TPRG1: variants seen among roughly 807,000 people sequenced by gnomAD.
TPRG1 encodes the protein tumor protein p63 regulated 1.
TPRG1 carries 29 observed loss-of-function variants against 29.3 expected under a neutral mutation model. The ratio of observed to expected loss-of-function variants is 0.99; its 90% CI spans 0.74 to 1.35. TPRG1 has a LOEUF of 1.35. Ranked by LOEUF, TPRG1 falls within the 40% of genes most tolerant of loss-of-function variation. TPRG1 has a pLI of 0.00. For synonymous variants in TPRG1, 130 were observed against 116.8 expected, an observed-to-expected ratio of 1.11 and a Z score of -0.73; for missense variants, 327 against 335.0, an observed-to-expected ratio of 0.98 and a Z score of 0.19.
chr3:189,124,278 A>G lies in TPRG1; in HGVS notation c.-743-2779A>G, dbSNP rs1334548585. Reference sequence around the variant, plus strand: ...GCAGGCAGAGAAATTCCTTGTGGCAATAAAACATAGTGGCTTAGAAAAGAA... The same window carrying G: ...GCAGGCAGAGAAATTCCTTGTGGCAGTAAAACATAGTGGCTTAGAAAAGAA... On this transcript the variant is annotated intron_variant, in intron 1 of 6. Coordinates refer to the TPRG1 transcript ENST00000412373. Among the ~76,000 whole-genome samples the G allele has an allele frequency of 4.6e-5, 7 of 152,096 alleles. No individual in the cohort carries two copies. In the East Asian group the frequency reaches 9.7e-4, roughly 21 times the overall value.
chr3:189,000,034 A>G (rs541588472), intron 1 of TPRG1, among the ~76,000 whole-genome samples: 4 of 152,280 alleles, frequency 2.6e-5, no homozygotes, highest in Non-Finnish European at 4.4e-5. Flanking sequence ...TTTGGATACT[A>G]TAATAAAAAA....
chr3:189,052,590 G>T (rs1307380336), intron 4 of TPRG1, among the ~76,000 whole-genome samples: 1 of 152,042 alleles, frequency 6.6e-6, no homozygotes, highest in Non-Finnish European at 1.5e-5. Context: ...CCCACTACTG[G>T]GTATCTACCA....
chr3:189,148,060 C>T (rs1725481002), intron 4 of TPRG1, among the ~76,000 whole-genome samples: 1 of 152,210 alleles, frequency 6.6e-6, no homozygotes, highest in Admixed American at 6.5e-5. Flanking sequence ...TTCTGATTCA[C>T]AGATGTGAAT....
chr3:189,054,233 AG>A (rs1156564800), intron 4 of TPRG1, among the ~76,000 whole-genome samples: 1 of 152,144 alleles, frequency 6.6e-6, no homozygotes, highest in Non-Finnish European at 1.5e-5. Context: ...AAGGAGACAG[AG>A]AAGGACGGGA....
chr3:189,007,062 A>T (rs960489831), intron 3 of TPRG1, among the ~76,000 whole-genome samples: 1 of 152,006 alleles, frequency 6.6e-6, no homozygotes, highest in Non-Finnish European at 1.5e-5. Context: ...TAATTAAACT[A>T]AAGAGCTTCT....
intron 5 of TPRG1, among the ~76,000 whole-genome samples, chr3:189,315,010 A>G (rs1723257008): frequency 6.6e-6 from 1 of 152,158 alleles, no homozygotes. Context: ...CAGTATTCCC[A>G]TTCCAGTTAC....
At chr3:189,003,896 C>A (rs1165262666) in intron 2 of TPRG1, among the ~76,000 whole-genome samples, 1 of 151,966 alleles carries the variant, frequency 6.6e-6, no homozygotes, top group Admixed American at 6.6e-5. Context: ...TCTTGCAATT[C>A]CTTCTCTTGG....
At chr3:189,057,536 TC>T (rs1377355849) in intron 4 of TPRG1, among the ~76,000 whole-genome samples, 1 of 151,320 alleles carries the variant, frequency 6.6e-6, no homozygotes, top group Non-Finnish European at 1.5e-5. Flanking sequence ...TGGGCTCTTT[TC>T]TACAACCCCA....
intron 4 of TPRG1, among the ~76,000 whole-genome samples, chr3:189,094,049 G>A (rs1718512538): frequency 6.6e-6 from 1 of 152,084 alleles, no homozygotes; most frequent in African/African-American, 2.4e-5. Flanking sequence ...GAAAGATACA[G>A]CCTCCAAACA....
intron 1 of TPRG1, among the ~76,000 whole-genome samples, chr3:189,106,225 T>C (rs1468318870): frequency 6.6e-6 from 1 of 152,194 alleles, no homozygotes; most frequent in African/African-American, 2.4e-5. Flanking sequence ...GTAACAGTCA[T>C]TCTGGCCTTC....
intron 4 of TPRG1, among the ~76,000 whole-genome samples, chr3:189,027,171 C>A (rs1319234476): frequency 6.6e-6 from 1 of 152,142 alleles, no homozygotes; most frequent in Non-Finnish European, 1.5e-5. Flanking sequence ...CCTTGACCAA[C>A]CTTAAAATAA....
At chr3:189,049,837 C>T (rs931909328) in intron 4 of TPRG1, among the ~76,000 whole-genome samples, 1 of 152,166 alleles carries the variant, frequency 6.6e-6, no homozygotes, top group African/African-American at 2.4e-5. Flanking sequence ...GTGCAGACAA[C>T]CCCCAGTACC....
chr3:189,236,458 G>C (rs992963259), intron 3 of TPRG1, among the ~76,000 whole-genome samples: 15 of 152,150 alleles, frequency 9.9e-5, no homozygotes, highest in Non-Finnish European at 2.1e-4. Context: ...TTCTGACTAA[G>C]ACTGAGAATG....
In TPRG1 at chr3:189,312,105, G is replaced by GTTTCTTTC. The variant is rs1209208448; in HGVS notation, c.633+1570_633+1577dup. Reference sequence around the variant, plus strand: ...TGTTTCTTTCTTTCTTTGTTTCTTTGTTTCTTTCTTTGTTTCTTTCTTTCT... The same window carrying GTTTCTTTC: ...TGTTTCTTTCTTTCTTTGTTTCTTTGTTTCTTTCTTTCTTTCTTTGTTTCTTTCTTTCT... On this transcript the variant is annotated intron_variant, in intron 5 of 5. Coordinates refer to ENST00000345063, the MANE Select transcript of TPRG1 (RefSeq NM_198485.4). Among the ~76,000 whole-genome samples the GTTTCTTTC allele has an allele frequency of 2.1e-3, 148 of 70,862 alleles. 2 individuals carry two copies. The highest frequency in any genetic ancestry group is 8.0e-3 in the East Asian group (31 of 3,874). The allele number at this position is 70,862 out of a possible 152,430, so 46.5% of individuals were successfully genotyped here. A position where few individuals can be genotyped will look rare whatever the true frequency, so the allele number is the denominator to read the frequency against.
chr3:189,174,161 C>T (rs567472587), intron 1 of TPRG1, among the ~76,000 whole-genome samples: 178 of 152,318 alleles, frequency 1.2e-3, no homozygotes, highest in Non-Finnish European at 1.9e-3. Context: ...ATGGCAGCGT[C>T]AAGTCCGAGA....
At position 189,093,758 on chromosome 3, in the gene TPRG1, C is replaced by A. The variant is rs1008209300; in HGVS notation, c.-462-33299C>A. Among the ~76,000 whole-genome samples the A allele has an allele frequency of 3.3e-5, 5 of 152,286 alleles. No homozygotes were observed. The East Asian group carries it at 9.6e-4, about 29-fold the overall frequency. On this transcript the variant is annotated intron_variant, in intron 4 of 10. Transcript: ENST00000433971. ...GGTTCTGGGAAATTTGAAGCTCACA[C>A]TCTTAAAATGTTTTCCACTGTTTGT...
At chr3:189,129,720 C>T (rs777578709) in intron 2 of TPRG1, among the ~76,000 whole-genome samples, 4 of 152,102 alleles carry the variant, frequency 2.6e-5, no homozygotes, top group Non-Finnish European at 5.9e-5. Flanking sequence ...TATTTAAGCT[C>T]AGTTATTTTA....
intron 3 of TPRG1, among the ~76,000 whole-genome samples, chr3:189,007,135 G>A (rs578024470): frequency 6.1e-4 from 93 of 151,910 alleles, no homozygotes; most frequent in African/African-American, 1.9e-3. Context: ...GAAAATTTTC[G>A]CAACCTACTC....
intron 4 of TPRG1, among the ~76,000 whole-genome samples, chr3:189,029,139 G>A (rs1386038087): frequency 6.6e-6 from 1 of 152,102 alleles, no homozygotes; most frequent in Non-Finnish European, 1.5e-5. Flanking sequence ...CTCTAAAATA[G>A]TTAATATGAT....
Sources: gnomAD v4.1 joint callset for allele counts (sites outside exome capture counted in the v4.1 genomes callset) on GRCh38, gnomAD v4.1.1 for gene constraint, MANE v1.5 for transcripts, NCBI Gene and HGNC (gene_info 2026-07-23, HGNC 2026-07-21) for gene names.